TESK2: variants seen among roughly 807,000 people sequenced by gnomAD.
TESK2 encodes testis associated actin remodelling kinase 2, also known as dual specificity testis-specific protein kinase 2.
A neutral mutation model predicts 57.1 loss-of-function variants in TESK2; 39 were observed. That is an observed-to-expected ratio of 0.68 (90% confidence interval 0.53 to 0.89). The LOEUF (loss-of-function observed/expected upper bound fraction) is 0.89. TESK2 is among the 40% of genes least tolerant of loss of function. TESK2 has a pLI of 0.00. For synonymous variants in TESK2, 249 were observed against 267.9 expected (o/e 0.93, Z 0.69); for missense variants, 646 against 732.1 (o/e 0.88, Z 1.36).
chr1:45,421,690 T>G (rs1429681099), intron 3 of TESK2, 35 bp downstream of exon 3: 1 of 1,612,424 alleles, frequency 6.2e-7, no homozygotes, highest in African/African-American at 1.3e-5. Flanking sequence ...ATGTTTCAGT[T>G]TTCTCATTGA....
At chr1:45,398,557 TAATAAA>T (rs2149279263) in intron 3 of TESK2, among the ~76,000 whole-genome samples, 1 of 151,912 alleles carries the variant, frequency 6.6e-6, no homozygotes, top group African/African-American at 2.4e-5. Context: ...AAAAAAATAA[TAATAAA>T]AATAAAAATA....
At position 45,368,897 on chromosome 1, in the gene TESK2, C is replaced by T. The variant is rs781042676; in HGVS notation, c.394-13448G>A. On this transcript the variant is annotated intron_variant, in intron 4 of 10. Transcript: ENST00000372086. Reference sequence around the variant, plus strand: ...CCAAGAAGCTGGAATTACAGGTGTGCGCCACCATGCCTGGCTAATTTTTGT... The same window carrying T: ...CCAAGAAGCTGGAATTACAGGTGTGTGCCACCATGCCTGGCTAATTTTTGT... Among the ~76,000 whole-genome samples the T allele has an allele frequency of 8.6e-5, 13 of 151,736 alleles. 1 individual carries two copies. The highest frequency in any genetic ancestry group is 4.2e-4 in the South Asian group (2 of 4,788).
intron 3 of TESK2, among the ~76,000 whole-genome samples, chr1:45,405,602 C>T (rs1353127110): frequency 6.6e-6 from 1 of 150,798 alleles, no homozygotes; most frequent in Non-Finnish European, 1.5e-5. Context: ...AACCAGTCTG[C>T]ACAACGTGGT....
At chr1:45,407,182 C>G (rs1363686357) in intron 3 of TESK2, among the ~76,000 whole-genome samples, 1 of 152,080 alleles carries the variant, frequency 6.6e-6, no homozygotes, top group Non-Finnish European at 1.5e-5. Context: ...AACTCTTGGG[C>G]TCAAGAGATC....
chr1:45,394,679 C>CTTTT (rs5773871), intron 3 of TESK2, among the ~76,000 whole-genome samples: 1,112 of 57,416 alleles, frequency 0.019, 102 homozygotes, highest in African/African-American at 0.033. Context: ...ACAGGAAACT[C>CTTTT]TTTTTTTTTT....
chr1:45,384,603 T>TATTTTTTTTTTA (rs1304835271), intron 4 of TESK2, among the ~76,000 whole-genome samples: 4 of 122,166 alleles, frequency 3.3e-5, no homozygotes, highest in Admixed American at 1.7e-4. Context: ...ATTTTTTTTT[T>TATTTTTTTTTTA]TTTTTTTTTT....
chr1:45,394,477 T>A (rs538369460), intron 3 of TESK2, among the ~76,000 whole-genome samples: 1 of 151,820 alleles, frequency 6.6e-6, no homozygotes, highest in East Asian at 1.9e-4. Flanking sequence ...TAGACCACTG[T>A]GGAAACAAAC....
intron 1 of TESK2, among the ~76,000 whole-genome samples, chr1:45,464,338 T>C (rs1652447933): frequency 6.6e-6 from 1 of 151,676 alleles, no homozygotes; most frequent in South Asian, 2.1e-4. Context: ...GCACAAAAAT[T>C]GCTTGAAGCC....
intron 3 of TESK2, among the ~76,000 whole-genome samples, chr1:45,404,467 T>C (rs1475719027): frequency 6.6e-6 from 1 of 152,194 alleles, no homozygotes; most frequent in Admixed American, 6.5e-5. Flanking sequence ...TGTCAGACAC[T>C]GTTCTAAATA....
intron 1 of TESK2, among the ~76,000 whole-genome samples, chr1:45,489,403 T>G (rs1342722453): frequency 6.6e-6 from 1 of 152,190 alleles, no homozygotes; most frequent in Non-Finnish European, 1.5e-5. Context: ...CCCCCATATA[T>G]TCTCTTGACC....
chr1:45,418,378 C>T (rs2149285889), intron 3 of TESK2, among the ~76,000 whole-genome samples: 1 of 152,326 alleles, frequency 6.6e-6, no homozygotes, highest in African/African-American at 2.4e-5. Context: ...CATTCTGCAT[C>T]TTGTCATCAA....
rs553871891 is a variant in TESK2, at chr1:45,475,789, G to A, written c.-87+15063C>T. On this transcript the variant is annotated intron_variant, in intron 1 of 10. Coordinates refer to ENST00000372086, the MANE Select transcript of TESK2 (RefSeq NM_007170.3). ...TGCCAGTGTAGCTAGAATAAAGCAG[G>A]CAGAAGATGGAAAAGCAGACTTGCT... 5.9e-4 allele frequency among the ~76,000 whole-genome samples: 90 copies of A among 152,284 alleles called. 2 individuals are homozygous for A. The highest frequency in any genetic ancestry group is 2.1e-3 in the African/African-American group (89 of 41,560).
At chr1:45,363,997 T>C (rs996983066) in intron 4 of TESK2, among the ~76,000 whole-genome samples, 2 of 152,200 alleles carry the variant, frequency 1.3e-5, no homozygotes, top group Non-Finnish European at 2.9e-5. Flanking sequence ...AAGTGCTCAA[T>C]ATGTCAGTTA....
intron 1 of TESK2, among the ~76,000 whole-genome samples, chr1:45,466,684 T>C (rs1396629275): frequency 6.7e-6 from 1 of 148,874 alleles, no homozygotes; most frequent in Admixed American, 6.7e-5. Context: ...TTATATATTA[T>C]ATATTACAGA....
At chr1:45,449,480 G>A (rs1294300013) in intron 2 of TESK2, among the ~76,000 whole-genome samples, 1 of 152,068 alleles carries the variant, frequency 6.6e-6, no homozygotes, top group African/African-American at 2.4e-5. Flanking sequence ...ATAAGCTGTG[G>A]TAGATTGAGA....
intron 4 of TESK2, among the ~76,000 whole-genome samples, chr1:45,367,952 C>A (rs906466400): frequency 1.3e-5 from 2 of 151,234 alleles, no homozygotes; most frequent in African/African-American, 4.9e-5. Flanking sequence ...AGCCACCATG[C>A]CTGGCAAAGC....
intron 4 of TESK2, among the ~76,000 whole-genome samples, chr1:45,368,153 C>A (rs1419473131): frequency 6.6e-6 from 1 of 150,684 alleles, no homozygotes; most frequent in Non-Finnish European, 1.5e-5. Context: ...TGCCACCACA[C>A]CCGGCTAATT....
At chr1:45,404,897 C>A (rs1020000474) in intron 3 of TESK2, among the ~76,000 whole-genome samples, 3 of 152,004 alleles carry the variant, frequency 2.0e-5, no homozygotes, top group African/African-American at 7.3e-5. Context: ...CCTAAGGGCA[C>A]ACAATGAGCA....
At chr1:45,409,776 T>TGGTG (rs954805569) in intron 3 of TESK2, among the ~76,000 whole-genome samples, 29 of 152,072 alleles carry the variant, frequency 1.9e-4, no homozygotes, top group African/African-American at 7.0e-4. Flanking sequence ...GATGGATGAA[T>TGGTG]GGTGGGAGAG....
Sources: gnomAD v4.1 joint callset for allele counts (sites outside exome capture counted in the v4.1 genomes callset) on GRCh38, gnomAD v4.1.1 for gene constraint, MANE v1.5 for transcripts, NCBI Gene and HGNC (gene_info 2026-07-23, HGNC 2026-07-21) for gene names.